Variants in INPP4B observed in about 807,000 individuals in gnomAD.
INPP4B encodes the protein inositol polyphosphate-4-phosphatase type II B.
In INPP4B, 55 loss-of-function variants were observed where a neutral mutation model predicts 122.5. That is an observed-to-expected ratio of 0.45 (90% confidence interval 0.36 to 0.56). The LOEUF is 0.56. Ranked by LOEUF, INPP4B falls within the 20% of genes least tolerant of loss-of-function variation. The pLI is 0.00. For synonymous variants in INPP4B, 403 were observed against 388.7 expected, an observed-to-expected ratio of 1.04 and a Z score of -0.43; for missense variants, 1,000 against 1,097.7, an observed-to-expected ratio of 0.91 and a Z score of 1.26.
intron 23 of INPP4B, among the ~76,000 whole-genome samples, chr4:142,105,947 G>A (rs2152675722): frequency 6.6e-6 from 1 of 152,198 alleles, no homozygotes; most frequent in Admixed American, 6.5e-5. Flanking sequence ...TCCTTAAATA[G>A]AGCAGAACTC....
intron 23 of INPP4B, among the ~76,000 whole-genome samples, chr4:142,106,963 ACT>A (rs1243199063): frequency 3.3e-5 from 5 of 151,664 alleles, no homozygotes; most frequent in African/African-American, 9.7e-5. Flanking sequence ...GTTATAATAA[ACT>A]CTTTTTTTTC....
At chr4:142,120,945 G>T (rs2152745326) in intron 21 of INPP4B, among the ~76,000 whole-genome samples, 1 of 152,198 alleles carries the variant, frequency 6.6e-6, no homozygotes, top group African/African-American at 2.4e-5. Context: ...CATTCTAGGA[G>T]CCATGCCCCT....
chr4:142,411,805 T>A (rs1804656380), intron 5 of INPP4B, among the ~76,000 whole-genome samples: 1 of 152,074 alleles, frequency 6.6e-6, no homozygotes, highest in African/African-American at 2.4e-5. Context: ...GGCACGAGGA[T>A]CACTTGAACC....
chr4:142,297,560 T>C (rs944111245), intron 9 of INPP4B, among the ~76,000 whole-genome samples: 28 of 152,186 alleles, frequency 1.8e-4, no homozygotes, highest in Non-Finnish European at 7.3e-5. Flanking sequence ...ACCTTCGCCA[T>C]GTGAGACCAC....
At chr4:142,431,688 C>T (rs904259242) in intron 3 of INPP4B, among the ~76,000 whole-genome samples, 1 of 152,050 alleles carries the variant, frequency 6.6e-6, no homozygotes, top group South Asian at 2.1e-4. Context: ...TAGTATAAAA[C>T]CTAATTTAGC....
At chr4:142,323,690 C>T (rs1224111456) in intron 7 of INPP4B, among the ~76,000 whole-genome samples, 1 of 151,714 alleles carries the variant, frequency 6.6e-6, no homozygotes, top group Admixed American at 6.6e-5. Flanking sequence ...TGTGATCTGC[C>T]CGCCTTGGCC....
rs1482914574 is a variant in INPP4B, at chr4:142,188,014, C to T, written c.1181+5073G>A. 2.6e-5 allele frequency among the ~76,000 whole-genome samples: 4 copies of T among 152,152 alleles called. No homozygotes were observed. The East Asian group carries it at 5.8e-4, about 22-fold the overall frequency. On this transcript the variant is annotated intron_variant, in intron 15 of 25. Coordinates refer to ENST00000262992, the MANE Select transcript of INPP4B (RefSeq NM_001101669.3). ...GTGGGAAAAAAAGACTGGAAGAGAG[C>T]ACCCAGTATGCTACCAGTAATTGCT...
At chr4:142,747,256 A>G (rs926078532) in intron 1 of INPP4B, among the ~76,000 whole-genome samples, 1 of 152,220 alleles carries the variant, frequency 6.6e-6, no homozygotes, top group African/African-American at 2.4e-5. Context: ...TATGTGGCCA[A>G]CAAACATGAA....
At chr4:142,574,260 T>C (rs1309347997) in intron 2 of INPP4B, among the ~76,000 whole-genome samples, 1 of 152,096 alleles carries the variant, frequency 6.6e-6, no homozygotes, top group South Asian at 2.1e-4. Context: ...TCCTCCTCTG[T>C]ACTCTGCAAT....
intron 2 of INPP4B, among the ~76,000 whole-genome samples, chr4:142,529,473 T>G (rs1031836590): frequency 6.6e-6 from 1 of 152,090 alleles, no homozygotes; most frequent in Non-Finnish European, 1.5e-5. Flanking sequence ...TAGGGGCATG[T>G]ATCTAATCAT....
At chr4:142,360,130 A>T (rs1784919501) in intron 7 of INPP4B, among the ~76,000 whole-genome samples, 1 of 151,940 alleles carries the variant, frequency 6.6e-6, no homozygotes, top group African/African-American at 2.4e-5. Context: ...AATGGCCCCC[A>T]TTATAGACCC....
intron 1 of INPP4B, among the ~76,000 whole-genome samples, chr4:142,800,493 T>C (rs1777865243): frequency 6.6e-6 from 1 of 152,146 alleles, no homozygotes; most frequent in African/African-American, 2.4e-5. Context: ...ATATGTATGA[T>C]CAAATGGAAA....
At chr4:142,546,795 G>T (rs1417533720) in intron 2 of INPP4B, among the ~76,000 whole-genome samples, 1 of 152,116 alleles carries the variant, frequency 6.6e-6, no homozygotes, top group African/African-American at 2.4e-5. Flanking sequence ...GGATGTAGTA[G>T]AAGTGGTTGA....
intron 24 of INPP4B, 44 bp downstream of exon 24, chr4:142,086,100 G>T: frequency 7.9e-7 from 1 of 1,269,768 alleles, no homozygotes; most frequent in Non-Finnish European, 1.2e-6. Flanking sequence ...ATATTTGCTG[G>T]TTATGACATG....
chr4:142,594,380 A>G (rs1738213246), intron 2 of INPP4B, among the ~76,000 whole-genome samples: 1 of 152,240 alleles, frequency 6.6e-6, no homozygotes, highest in Non-Finnish European at 1.5e-5. Context: ...GCCTACAGCA[A>G]TAAAATAATA....
chr4:142,053,819 G>A lies in INPP4B; in HGVS notation c.2643-24905C>T, dbSNP rs556643460. On this transcript the variant is annotated intron_variant, in intron 25 of 25. Coordinates refer to ENST00000262992, the MANE Select transcript of INPP4B (RefSeq NM_001101669.3). Reference sequence around the variant, plus strand: ...TTGATTTCTTGGGCTGATTTTTATCGGTGACATAGACTCCAGTGACCATTC... The same window carrying A: ...TTGATTTCTTGGGCTGATTTTTATCAGTGACATAGACTCCAGTGACCATTC... 4.7e-4 allele frequency among the ~76,000 whole-genome samples: 72 copies of A among 152,078 alleles called. 1 individual carries two copies. The highest frequency in any genetic ancestry group is 9.7e-4 in the Non-Finnish European group (66 of 67,994).
At chr4:142,664,185 C>T (rs1310070718) in intron 2 of INPP4B, among the ~76,000 whole-genome samples, 2 of 152,178 alleles carry the variant, frequency 1.3e-5, no homozygotes, top group African/African-American at 4.8e-5. Context: ...TCCCTACTCA[C>T]CAACATACAT....
intron 2 of INPP4B, among the ~76,000 whole-genome samples, chr4:142,703,504 A>C (rs934970624): frequency 6.6e-6 from 1 of 152,164 alleles, no homozygotes; most frequent in African/African-American, 2.4e-5. Flanking sequence ...CAGGAGAATA[A>C]AAGAAAAATG....
At chr4:142,701,672 C>A (rs1761789341) in intron 2 of INPP4B, among the ~76,000 whole-genome samples, 1 of 151,896 alleles carries the variant, frequency 6.6e-6, no homozygotes. Context: ...CTTCCTGAAC[C>A]ATTGCTTATA....
Sources: gnomAD v4.1 joint callset for allele counts (sites outside exome capture counted in the v4.1 genomes callset) on GRCh38, gnomAD v4.1.1 for gene constraint, MANE v1.5 for transcripts, NCBI Gene and HGNC (gene_info 2026-07-23, HGNC 2026-07-21) for gene names.